MYO3B: variants seen among roughly 807,000 people sequenced by gnomAD.
MYO3B encodes myosin-IIIb.
Under a neutral mutation model 174.6 loss-of-function variants are expected in MYO3B, and 156 were observed. The ratio of observed to expected loss-of-function variants is 0.89; its 90% CI spans 0.78 to 1.02. MYO3B has a LOEUF of 1.02. Among genes scored for constraint, MYO3B ranks in the 50% least tolerant of loss-of-function variants. The pLI is 0.00. For missense variants in MYO3B, 1,632 were observed against 1,639.4 expected (o/e 1.00, Z 0.08); for synonymous variants, 563 against 569.1 (o/e 0.99, Z 0.15).
rs768119641 is a variant in MYO3B at position 170,371,511 on chromosome 2, AAC to A, written c.971+2138_971+2139del. On this transcript the variant is annotated intron_variant, in intron 9 of 34. Transcript: ENST00000408978. ...ATGTGGGAAAATTAATTCCAAAGGA[AAC>A]ACAGTGCACGTAATTGACACTTAAC... is the stretch of plus-strand genomic sequence containing the variant. Among the ~76,000 whole-genome samples the A allele has an allele frequency of 3.9e-5, 6 of 152,256 alleles. No individual in the cohort carries two copies. In the East Asian group the frequency reaches 9.7e-4, roughly 25 times the overall value.
At chr2:170,551,843 T>A (rs759170123) in intron 32 of MYO3B, among the ~76,000 whole-genome samples, 2 of 152,148 alleles carry the variant, frequency 1.3e-5, no homozygotes, top group Non-Finnish European at 2.9e-5. Context: ...GAGGTGGGGA[T>A]TTCCCCCTTG....
intron 30 of MYO3B, among the ~76,000 whole-genome samples, chr2:170,536,394 A>G (rs1689682415): frequency 6.6e-6 from 1 of 152,258 alleles, no homozygotes; most frequent in African/African-American, 2.4e-5. Context: ...TTTAGATATA[A>G]CTTGCATATT....
At chr2:170,606,739 G>A (rs186460457) in intron 32 of MYO3B, among the ~76,000 whole-genome samples, 1 of 152,258 alleles carries the variant, frequency 6.6e-6, no homozygotes, top group African/African-American at 2.4e-5. Flanking sequence ...ATAAAATACA[G>A]GCCGGGCACG....
chr2:170,622,174 A>C (rs1695978840), intron 32 of MYO3B, among the ~76,000 whole-genome samples: 1 of 152,236 alleles, frequency 6.6e-6, no homozygotes, highest in Non-Finnish European at 1.5e-5. Flanking sequence ...AGAAAGCCTG[A>C]ACTACTTAAT....
chr2:170,314,474 C>T (rs1425585918), intron 7 of MYO3B, among the ~76,000 whole-genome samples: 1 of 152,198 alleles, frequency 6.6e-6, no homozygotes, highest in Non-Finnish European at 1.5e-5. Context: ...CATTCTGTCC[C>T]TCCTCTGAAT....
intron 7 of MYO3B, among the ~76,000 whole-genome samples, chr2:170,251,389 G>A (rs1343953176): frequency 1.3e-5 from 2 of 152,050 alleles, no homozygotes; most frequent in Non-Finnish European, 2.9e-5. Flanking sequence ...ACCATTTTTA[G>A]GAAAATGGTT....
At chr2:170,624,570 C>T (rs1696237767) in intron 32 of MYO3B, among the ~76,000 whole-genome samples, 1 of 152,108 alleles carries the variant, frequency 6.6e-6, no homozygotes, top group South Asian at 2.1e-4. Flanking sequence ...TTTCTCCTGC[C>T]TGATTGCCCT....
chr2:170,536,928 G>A (rs901167161), intron 30 of MYO3B, among the ~76,000 whole-genome samples: 1 of 152,044 alleles, frequency 6.6e-6, no homozygotes, highest in Admixed American at 6.6e-5. Context: ...TCGGCTGGGC[G>A]TGGTGGCTCA....
chr2:170,350,267 A>C (rs2094054657), intron 8 of MYO3B: 1 of 151,282 alleles, frequency 6.6e-6, no homozygotes, highest in Admixed American at 6.6e-5. Context: ...CCAAAAACCG[A>C]AATTTTAACT....
Position 170,400,179 on chromosome 2 carries a change from C to G in MYO3B, c.1792-9C>G. On this transcript the variant is annotated splice_polypyrimidine_tract_variant and intron_variant, in intron 16 of 34. Transcript: ENST00000408978. ...GACCTTCATATATGGTTCTTGATGT[C>G]CTTTTCAGGAGGTGCACTCAGTGTA... 6.2e-7 allele frequency: 1 copy of G among 1,613,866 alleles called. No individual in the cohort carries two copies. The highest frequency in any genetic ancestry group is 8.5e-7 in the Non-Finnish European group (1 of 1,179,912).
intron 6 of MYO3B, among the ~76,000 whole-genome samples, chr2:170,219,987 G>A (rs919435888): frequency 1.3e-5 from 2 of 152,206 alleles, no homozygotes; most frequent in African/African-American, 2.4e-5. Flanking sequence ...GGCCGGGTGT[G>A]GTGGCTCATA....
At chr2:170,583,330 T>C (rs1032211823) in intron 32 of MYO3B, among the ~76,000 whole-genome samples, 2 of 152,128 alleles carry the variant, frequency 1.3e-5, no homozygotes, top group African/African-American at 4.8e-5. Flanking sequence ...TTCAGTCCTT[T>C]CTCGCTGAGC....
At chr2:170,242,415 C>T (rs895080301) in intron 7 of MYO3B, among the ~76,000 whole-genome samples, 1 of 152,152 alleles carries the variant, frequency 6.6e-6, no homozygotes, top group Non-Finnish European at 1.5e-5. Flanking sequence ...ACTTGACACT[C>T]CCTTTCCGTG....
chr2:170,524,469 G>A (rs994982427), intron 30 of MYO3B: 2 of 435,516 alleles, frequency 4.6e-6, no homozygotes, highest in Non-Finnish European at 9.1e-6. Context: ...AATTTCCTGG[G>A]CACTGTGCTA....
intron 9 of MYO3B, among the ~76,000 whole-genome samples, chr2:170,381,470 G>A (rs2105733869): frequency 6.6e-6 from 1 of 152,280 alleles, no homozygotes; most frequent in South Asian, 2.1e-4. Flanking sequence ...GGTCACCTCA[G>A]GAGAGAGGAG....
intron 22 of MYO3B, among the ~76,000 whole-genome samples, chr2:170,435,187 T>G (rs1661813312): frequency 6.6e-6 from 1 of 152,208 alleles, no homozygotes; most frequent in African/African-American, 2.4e-5. Context: ...GCTTTGGCAA[T>G]GTCTTGGAGA....
At position 170,404,957 on chromosome 2, in the gene MYO3B, A is replaced by C. The variant is rs999743011; in HGVS notation, c.2431+557A>C. 2.6e-5 allele frequency among the ~76,000 whole-genome samples: 4 copies of C among 152,336 alleles called. No homozygotes were observed. In the East Asian group the frequency reaches 7.7e-4, roughly 29 times the overall value. Reference sequence around the variant, plus strand: ...TTCTGTACCCTATTCTTGAATCTTCAGTGTTTTTCACAACCTTTGTTCCTC... The same window carrying C: ...TTCTGTACCCTATTCTTGAATCTTCCGTGTTTTTCACAACCTTTGTTCCTC... On this transcript the variant is annotated intron_variant, in intron 20 of 34. Transcript: ENST00000408978.
In MYO3B at chr2:170,466,519, A is replaced by C. The variant is rs1684640593; in HGVS notation, c.2822A>C (p.Asp941Ala). 1.2e-6 allele frequency: 2 copies of C among 1,613,906 alleles called. No homozygotes were observed. The highest frequency in any genetic ancestry group is 1.6e-4 in the Middle Eastern group (1 of 6,084). Reference protein sequence around the residue: ...VASYFRYSLMDLLSKMVVGQP... With the variant: ...VASYFRYSLMALLSKMVVGQP... ...TCTCCCTGGTAGTATTCTCTGATGGACCTGCTCTCCAAAATGGTGGTTGGA... is the reference window on the plus strand; with the variant it reads ...TCTCCCTGGTAGTATTCTCTGATGGCCCTGCTCTCCAAAATGGTGGTTGGA... Residue 941 changes from aspartate (D) to alanine (A), a missense_variant, in exon 25 of 35, where the codon GAC (aspartate) becomes GCC (alanine). Transcript: ENST00000408978.
chr2:170,519,638 C>A, intron 30 of MYO3B, 98 bp downstream of exon 30: 1 of 1,056,788 alleles, frequency 9.5e-7, no homozygotes, highest in Non-Finnish European at 1.4e-6. Flanking sequence ...GTATTTCTAC[C>A]ACTATGGTAT....
Sources: allele counts gnomAD v4.1 joint callset (sites outside exome capture counted in the v4.1 genomes callset), GRCh38; gene constraint gnomAD v4.1.1; transcripts MANE v1.5; gene names NCBI Gene and HGNC (gene_info 2026-07-23, HGNC 2026-07-21).